Variants in ZNF385D observed in about 807,000 individuals in gnomAD.
ZNF385D encodes the protein zinc finger protein 659.
Under a neutral mutation model 35.8 loss-of-function variants are expected in ZNF385D, and 15 were observed. The ratio of observed to expected loss-of-function variants is 0.42; its 90% CI spans 0.28 to 0.64. The LOEUF is 0.64. Among genes scored for constraint, ZNF385D ranks in the 30% least tolerant of loss-of-function variants. ZNF385D has a pLI of 0.23. For synonymous variants in ZNF385D, 212 were observed against 186.8 expected (o/e 1.13, Z -1.10); for missense variants, 474 against 494.6 (o/e 0.96, Z 0.39).
chr3:21,821,677 A>C (rs1486636238), intron 3 of ZNF385D, among the ~76,000 whole-genome samples: 1 of 152,198 alleles, frequency 6.6e-6, no homozygotes, highest in Admixed American at 6.5e-5. Context: ...AAAACTAAAA[A>C]GTTGGCTAGG....
intron 3 of ZNF385D, among the ~76,000 whole-genome samples, chr3:21,924,657 G>A (rs1326789737): frequency 6.6e-6 from 1 of 152,016 alleles, no homozygotes; most frequent in East Asian, 1.9e-4. Flanking sequence ...TGGGGAGCTG[G>A]GACATTCATC....
At chr3:21,591,125 T>G (rs2063964193) in intron 2 of ZNF385D, among the ~76,000 whole-genome samples, 1 of 151,808 alleles carries the variant, frequency 6.6e-6, no homozygotes, top group Non-Finnish European at 1.5e-5. Context: ...TTAGCTGGAG[T>G]GTTCAACCTG....
chr3:21,668,459 C>T (rs2066470577), intron 1 of ZNF385D, among the ~76,000 whole-genome samples: 1 of 152,194 alleles, frequency 6.6e-6, no homozygotes, highest in Admixed American at 6.5e-5. Context: ...AATGATGTTT[C>T]CATGAGCACT....
At chr3:21,694,042 C>CTATTTTTTTTTTTTTT (rs2067379702) in intron 1 of ZNF385D, among the ~76,000 whole-genome samples, 1 of 22,178 alleles carries the variant, frequency 4.5e-5, no homozygotes, top group African/African-American at 2.1e-4. Context: ...CTACGCCTGG[C>CTATTTTTTTTTTTTTT]TTTTTTTTTT....
At chr3:21,654,309 GGA>G (rs1277555972) in intron 2 of ZNF385D, among the ~76,000 whole-genome samples, 6 of 152,090 alleles carry the variant, frequency 3.9e-5, no homozygotes, top group African/African-American at 1.2e-4. Context: ...GATAAAATGT[GGA>G]ATAAGAGGTT....
At chr3:21,831,417 A>G (rs1575738256) in intron 3 of ZNF385D, among the ~76,000 whole-genome samples, 1 of 152,200 alleles carries the variant, frequency 6.6e-6, no homozygotes, top group East Asian at 1.9e-4. Context: ...TTCATAGTTA[A>G]TTGATTCAGT....
chr3:22,104,722 T>C (rs1414291005), intron 3 of ZNF385D, among the ~76,000 whole-genome samples: 1 of 152,120 alleles, frequency 6.6e-6, no homozygotes, highest in African/African-American at 2.4e-5. Flanking sequence ...TCAAAAGCAC[T>C]AGCAAATAAA....
chr3:22,079,572 A>G (rs920712413), intron 3 of ZNF385D, among the ~76,000 whole-genome samples: 1 of 151,962 alleles, frequency 6.6e-6, no homozygotes, highest in Admixed American at 6.6e-5. Context: ...CATTTCGCAA[A>G]GCAGGTCAGA....
intron 2 of ZNF385D, among the ~76,000 whole-genome samples, chr3:21,662,484 G>A (rs562611693): frequency 3.9e-5 from 6 of 152,206 alleles, no homozygotes; most frequent in South Asian, 4.1e-4. Context: ...TAAAAATTAC[G>A]TTTTATACAT....
chr3:22,223,280 G>A (rs780513488), intron 2 of ZNF385D, among the ~76,000 whole-genome samples: 6 of 151,908 alleles, frequency 3.9e-5, no homozygotes, highest in East Asian at 1.9e-4. Flanking sequence ...TTTGTCCTTC[G>A]TGTTTTCTCT....
At chr3:22,268,410 A>C (rs1181267980) in intron 2 of ZNF385D, among the ~76,000 whole-genome samples, 1 of 152,022 alleles carries the variant, frequency 6.6e-6, no homozygotes, top group Non-Finnish European at 1.5e-5. Context: ...GATGTTATAC[A>C]TGTTATTAAT....
intron 2 of ZNF385D, among the ~76,000 whole-genome samples, chr3:22,349,741 T>C (rs1166680535): frequency 1.3e-5 from 2 of 150,354 alleles, no homozygotes; most frequent in East Asian, 2.0e-4. Flanking sequence ...CAGTTTCCAG[T>C]GCAATATTTA....
chr3:21,947,019 A>G (rs1311829231), intron 3 of ZNF385D, among the ~76,000 whole-genome samples: 1 of 152,136 alleles, frequency 6.6e-6, no homozygotes, highest in Non-Finnish European at 1.5e-5. Flanking sequence ...CATCAGTTTG[A>G]GTATGCCTGA....
chr3:22,288,429 C>A (rs574695761), intron 2 of ZNF385D, among the ~76,000 whole-genome samples: 9 of 146,628 alleles, frequency 6.1e-5, no homozygotes, highest in African/African-American at 2.2e-4. Flanking sequence ...CATCTTCCAT[C>A]TTTCATTTAT....
At chr3:21,931,970 A>G (rs1038871923) in intron 3 of ZNF385D, among the ~76,000 whole-genome samples, 25 of 151,854 alleles carry the variant, frequency 1.6e-4, no homozygotes, top group Non-Finnish European at 3.5e-4. Flanking sequence ...GATCGAGACC[A>G]TCCTGGCTAA....
chr3:21,782,354 T>C (rs1460207239), intron 3 of ZNF385D, among the ~76,000 whole-genome samples: 1 of 152,036 alleles, frequency 6.6e-6, no homozygotes, highest in African/African-American at 2.4e-5. Context: ...CTGGAGGAAA[T>C]TCAGGAGTCA....
intron 3 of ZNF385D, among the ~76,000 whole-genome samples, chr3:21,776,623 T>C (rs956013027): frequency 6.6e-6 from 1 of 151,928 alleles, no homozygotes; most frequent in Non-Finnish European, 1.5e-5. Flanking sequence ...CCTAAGGTAC[T>C]TAATGTAATT....
intron 4 of ZNF385D, among the ~76,000 whole-genome samples, chr3:21,493,065 T>A (rs1705554088): frequency 6.6e-6 from 1 of 152,120 alleles, no homozygotes; most frequent in South Asian, 2.1e-4. Flanking sequence ...AAACTGATTT[T>A]ATCTATTCTT....
intron 2 of ZNF385D, among the ~76,000 whole-genome samples, chr3:21,593,588 C>T (rs2125740048): frequency 6.6e-6 from 1 of 152,216 alleles, no homozygotes; most frequent in East Asian, 1.9e-4. Context: ...TTTCTGAACA[C>T]AATCCCACCT....
Sources: allele counts gnomAD v4.1 joint callset (sites outside exome capture counted in the v4.1 genomes callset), GRCh38; gene constraint gnomAD v4.1.1; transcripts MANE v1.5; gene names NCBI Gene and HGNC (gene_info 2026-07-23, HGNC 2026-07-21).